Variants in SNX7 observed in about 807,000 individuals in gnomAD.
SNX7 encodes the protein sorting nexin-7.
In SNX7, 35 loss-of-function variants were observed where a neutral mutation model predicts 48.4. The observed-to-expected ratio is 0.72, with a 90% CI of 0.55 to 0.96. The LOEUF is 0.96. Among genes scored for constraint, SNX7 ranks in the 40% least tolerant of loss-of-function variants. SNX7 has a pLI of 0.00. For synonymous variants in SNX7, 190 were observed against 190.2 expected (o/e 1.00, Z 0.01); for missense variants, 553 against 548.9 (o/e 1.01, Z -0.07).
chr1:98,717,262 T>C (rs1046477653), intron 7 of SNX7, among the ~76,000 whole-genome samples: 1 of 152,172 alleles, frequency 6.6e-6, no homozygotes, highest in African/African-American at 2.4e-5. Context: ...TGTGTATTGT[T>C]TCACTTCAGT....
chr1:98,717,002 ATCT>A (rs1053476562), intron 7 of SNX7, among the ~76,000 whole-genome samples: 5 of 148,256 alleles, frequency 3.4e-5, no homozygotes, highest in Non-Finnish European at 7.5e-5. Context: ...TTCTTCTTTT[ATCT>A]TCTTTAAAAA....
intron 6 of SNX7, among the ~76,000 whole-genome samples, chr1:98,699,527 T>C (rs1390815876): frequency 6.6e-6 from 1 of 152,206 alleles, no homozygotes; most frequent in Non-Finnish European, 1.5e-5. Context: ...TATTTTTCTG[T>C]GCCTACAATA....
At chr1:98,667,113 A>G (rs1157583031) in intron 1 of SNX7, among the ~76,000 whole-genome samples, 1 of 152,224 alleles carries the variant, frequency 6.6e-6, no homozygotes, top group Non-Finnish European at 1.5e-5. Context: ...ACCAGTGAGC[A>G]TAATAAAATC....
At chr1:98,737,079 C>CT (rs143360857) in intron 7 of SNX7, among the ~76,000 whole-genome samples, 32,468 of 149,364 alleles carry the variant, frequency 0.22, 3,788 homozygotes, top group East Asian at 0.33. Context: ...TTTCCCCTCG[C>CT]TTTTTTTTTT....
At chr1:98,747,677 T>G (rs2101048449) in intron 8 of SNX7, among the ~76,000 whole-genome samples, 1 of 152,296 alleles carries the variant, frequency 6.6e-6, no homozygotes, top group South Asian at 2.1e-4. Flanking sequence ...ATTTAAAAGT[T>G]TATAGTCGAT....
chr1:98,675,507 G>T (rs1650114118), intron 1 of SNX7, among the ~76,000 whole-genome samples: 1 of 152,116 alleles, frequency 6.6e-6, no homozygotes, highest in Non-Finnish European at 1.5e-5. Context: ...GTAAATTCAT[G>T]CAGATTTTTC....
chr1:98,682,666 C>T (rs1650565316), intron 1 of SNX7, among the ~76,000 whole-genome samples: 1 of 152,124 alleles, frequency 6.6e-6, no homozygotes, highest in Non-Finnish European at 1.5e-5. Flanking sequence ...AAGATTCCTC[C>T]TTTATTTTAC....
intron 7 of SNX7, among the ~76,000 whole-genome samples, chr1:98,713,109 AAAAC>A (rs1419193777): frequency 6.6e-6 from 1 of 151,844 alleles, no homozygotes; most frequent in African/African-American, 2.4e-5. Context: ...AAAAAAAAAA[AAAAC>A]TTGTCTACAT....
intron 1 of SNX7, 47 bp downstream of exon 1, chr1:98,661,958 G>A (rs993284078): frequency 4.8e-6 from 6 of 1,243,752 alleles, no homozygotes; most frequent in East Asian, 6.3e-5. Context: ...AGGCAACTCC[G>A]GGCGTTGCCA....
intron 8 of SNX7, among the ~76,000 whole-genome samples, chr1:98,747,660 C>A (rs1231635351): frequency 6.6e-6 from 1 of 152,132 alleles, no homozygotes; most frequent in Admixed American, 6.6e-5. Flanking sequence ...ATATAGTGTC[C>A]TTTCTCATTT....
At chr1:98,745,709 C>T (rs1200339879) in intron 8 of SNX7, among the ~76,000 whole-genome samples, 4 of 152,010 alleles carry the variant, frequency 2.6e-5, no homozygotes, top group African/African-American at 9.7e-5. Context: ...CATCCTTGTA[C>T]CTGCATTATC....
intron 3 of SNX7, 139 bp downstream of exon 3, chr1:98,691,324 TTCAA>T (rs1651111315): frequency 1.7e-6 from 1 of 583,804 alleles, no homozygotes; most frequent in Non-Finnish European, 2.8e-6. Context: ...TTCTAAGTGT[TTCAA>T]TCAATGTACA....
chr1:98,747,343 A>G (rs1654354224), intron 8 of SNX7, among the ~76,000 whole-genome samples: 1 of 152,118 alleles, frequency 6.6e-6, no homozygotes, highest in Admixed American at 6.6e-5. Flanking sequence ...TACAGATTCA[A>G]TTTAGAAGTT....
chr1:98,687,880 T>G (rs2100946194), intron 2 of SNX7, among the ~76,000 whole-genome samples: 1 of 152,096 alleles, frequency 6.6e-6, no homozygotes, highest in Non-Finnish European at 1.5e-5. Context: ...AAACCCCCAT[T>G]TATAAAACCA....
chr1:98,732,384 G>A (rs1006618090), intron 7 of SNX7, among the ~76,000 whole-genome samples: 2 of 152,116 alleles, frequency 1.3e-5, no homozygotes, highest in African/African-American at 4.8e-5. Context: ...GGGGAAATAG[G>A]GAGGGTACTG....
chr1:98,691,582 C>T lies in SNX7; in HGVS notation c.522C>T (p.Asn174=), dbSNP rs563992462. 47 of 1,608,416 alleles carry T rather than the reference C, an allele frequency of 2.9e-5. No homozygotes were observed. The highest frequency in any genetic ancestry group is 1.7e-4 in the Middle Eastern group (1 of 6,042). ...FIVKGMVERF[N]DDFIETRRKA... is the part of the protein sequence containing the mutation. ...TAAAAGGAATGGTGGAACGCTTTAA[C>T]GATGACTTCATTGAGACACGCAGGA... The change falls in exon 4 of 9, where the codon AAC becomes AAT. Residue 174 remains asparagine (N), a synonymous_variant. Coordinates refer to ENST00000306121, the MANE Select transcript of SNX7 (RefSeq NM_015976.5).
chr1:98,722,690 CAAT>C (rs543497925), intron 7 of SNX7, among the ~76,000 whole-genome samples: 133 of 151,676 alleles, frequency 8.8e-4, no homozygotes, highest in African/African-American at 2.5e-3. Context: ...AAAAGGAAAA[CAAT>C]GATGATATTT....
At chr1:98,731,233 A>T (rs1653494075) in intron 7 of SNX7, among the ~76,000 whole-genome samples, 1 of 152,064 alleles carries the variant, frequency 6.6e-6, no homozygotes, top group Admixed American at 6.6e-5. Context: ...TTTTTTAAAA[A>T]GTATAAGAAT....
intron 1 of SNX7, 132 bp downstream of exon 1, chr1:98,662,043 C>T: frequency 9.9e-7 from 1 of 1,008,774 alleles, no homozygotes; most frequent in Non-Finnish European, 1.3e-6. Flanking sequence ...CGAGTGAGGT[C>T]CCCCGGGCTG....
Sources: gnomAD v4.1 joint callset for allele counts (sites outside exome capture counted in the v4.1 genomes callset) on GRCh38, gnomAD v4.1.1 for gene constraint, MANE v1.5 for transcripts, NCBI Gene and HGNC (gene_info 2026-07-23, HGNC 2026-07-21) for gene names.